The following CCDC178 variants were observed in gnomAD, a reference collection of about 807,000 sequenced individuals.
The protein encoded by CCDC178 is coiled-coil domain containing 178, also known as coiled-coil domain-containing protein 178.
In CCDC178, 126 loss-of-function variants were observed where a neutral mutation model predicts 117.4. The ratio of observed to expected loss-of-function variants is 1.07; its 90% CI spans 0.93 to 1.24. The LOEUF (loss-of-function observed/expected upper bound fraction) is 1.24. Among genes scored for constraint, CCDC178 ranks in the 50% most tolerant of loss-of-function variants. The pLI is 0.00. For missense variants in CCDC178, 1,030 were observed against 986.9 expected (o/e 1.04, Z -0.59); for synonymous variants, 283 against 313.4 (o/e 0.90, Z 1.02).
At chr18:33,183,467 G>T (rs1478841937) in intron 20 of CCDC178, among the ~76,000 whole-genome samples, 4 of 151,978 alleles carry the variant, frequency 2.6e-5, no homozygotes, top group Non-Finnish European at 5.9e-5. Context: ...GAAAATTTCA[G>T]ACTAGCAGGT....
rs79509378 is a variant in CCDC178, at chr18:33,367,735, T to C, written c.348+2315A>G. On this transcript the variant is annotated intron_variant, in intron 6 of 22. Transcript: ENST00000383096. ...CTCATCATTGCACCAAACATAGTAC[T>C]TATGTTCTATTTACCAGTTCAACAC... 9.8e-3 allele frequency among the ~76,000 whole-genome samples: 1,492 copies of C among 152,084 alleles called. 24 individuals carry two copies. Among genetic ancestry groups the C allele is most frequent in the African/African-American group, 0.034 (1,396 of 41,536 alleles).
At chr18:33,112,391 T>A (rs1008207067) in intron 20 of CCDC178, among the ~76,000 whole-genome samples, 7 of 151,892 alleles carry the variant, frequency 4.6e-5, no homozygotes, top group African/African-American at 1.2e-4. Context: ...TAAGAATTAA[T>A]GATATAAAAT....
intron 6 of CCDC178, among the ~76,000 whole-genome samples, chr18:33,360,815 A>G (rs2063114912): frequency 6.6e-6 from 1 of 151,676 alleles, no homozygotes. Context: ...GCACACTAAA[A>G]CTATAAAACA....
chr18:33,364,981 A>G (rs1397479859), intron 6 of CCDC178, among the ~76,000 whole-genome samples: 1 of 152,016 alleles, frequency 6.6e-6, no homozygotes, highest in Non-Finnish European at 1.5e-5. Flanking sequence ...ATGGCAGACC[A>G]TCAGAGATAT....
chr18:33,265,107 C>A (rs1196523913), intron 14 of CCDC178, among the ~76,000 whole-genome samples: 1 of 152,096 alleles, frequency 6.6e-6, no homozygotes, highest in Non-Finnish European at 1.5e-5. Flanking sequence ...TAAAAACCAA[C>A]ATCCTTAAAA....
chr18:33,357,633 T>G (rs1228327577), intron 6 of CCDC178, among the ~76,000 whole-genome samples: 1 of 152,128 alleles, frequency 6.6e-6, no homozygotes, highest in Non-Finnish European at 1.5e-5. Flanking sequence ...GGCAGGGTTA[T>G]TTTCTACAGA....
intron 21 of CCDC178, among the ~76,000 whole-genome samples, chr18:32,982,164 T>C (rs916563989): frequency 6.6e-6 from 1 of 152,074 alleles, no homozygotes. Flanking sequence ...TAGAGACATA[T>C]GGTACCAAAA....
chr18:33,364,820 C>A (rs1301903011), intron 6 of CCDC178, among the ~76,000 whole-genome samples: 2 of 150,144 alleles, frequency 1.3e-5, no homozygotes, highest in African/African-American at 4.9e-5. Context: ...GAGTAGCCAC[C>A]ACAGACTACT....
chr18:33,036,275 AT>A (rs1360245144), intron 21 of CCDC178, among the ~76,000 whole-genome samples: 1 of 151,854 alleles, frequency 6.6e-6, no homozygotes, highest in African/African-American at 2.4e-5. Context: ...AGTACTCACA[AT>A]TCCCCTTGTG....
intron 2 of CCDC178, among the ~76,000 whole-genome samples, chr18:33,416,657 G>T (rs2063945440): frequency 6.6e-6 from 1 of 152,050 alleles, no homozygotes; most frequent in Non-Finnish European, 1.5e-5. Flanking sequence ...ACTATGTGGG[G>T]AGCCTGGACT....
intron 21 of CCDC178, among the ~76,000 whole-genome samples, chr18:33,016,027 A>C (rs1419697904): frequency 6.6e-6 from 1 of 152,098 alleles, no homozygotes; most frequent in Non-Finnish European, 1.5e-5. Context: ...AATTTGGAGG[A>C]AAAACATTAA....
chr18:33,074,816 A>G (rs1425429331), intron 21 of CCDC178, among the ~76,000 whole-genome samples: 1 of 152,246 alleles, frequency 6.6e-6, no homozygotes, highest in Admixed American at 6.5e-5. Flanking sequence ...AAAGTGATGA[A>G]AACTGCAAAT....
chr18:33,207,589 C>G (rs1223554025), intron 20 of CCDC178, among the ~76,000 whole-genome samples: 1 of 150,568 alleles, frequency 6.6e-6, no homozygotes, highest in Non-Finnish European at 1.5e-5. Context: ...TGGGTATTAG[C>G]ACAACTATAT....
At chr18:33,169,257 C>T (rs1256535962) in intron 20 of CCDC178, among the ~76,000 whole-genome samples, 1 of 152,176 alleles carries the variant, frequency 6.6e-6, no homozygotes, top group East Asian at 1.9e-4. Context: ...GCAATTTCAG[C>T]TAATTTAACA....
At chr18:33,294,834 T>C (rs1382748578) in intron 11 of CCDC178, among the ~76,000 whole-genome samples, 2 of 152,206 alleles carry the variant, frequency 1.3e-5, no homozygotes, top group Admixed American at 6.5e-5. Flanking sequence ...TGATGGACAA[T>C]TGCCCACTGT....
At chr18:33,095,051 A>C (rs893504093) in intron 20 of CCDC178, among the ~76,000 whole-genome samples, 3 of 152,002 alleles carry the variant, frequency 2.0e-5, no homozygotes, top group Non-Finnish European at 4.4e-5. Flanking sequence ...GTTAAATGTA[A>C]ATGACACAAA....
intron 6 of CCDC178, among the ~76,000 whole-genome samples, chr18:33,361,257 A>G (rs775641273): frequency 4.0e-5 from 6 of 151,792 alleles, no homozygotes; most frequent in Non-Finnish European, 5.9e-5. Context: ...AGTCTCTTCA[A>G]TAAATGATGC....
intron 20 of CCDC178, among the ~76,000 whole-genome samples, chr18:33,179,865 C>A (rs2058714929): frequency 6.6e-6 from 1 of 151,968 alleles, no homozygotes; most frequent in Non-Finnish European, 1.5e-5. Context: ...AGTCTACAAA[C>A]TTCATGGACA....
chr18:33,283,112 C>T (rs2060045964), intron 12 of CCDC178, among the ~76,000 whole-genome samples: 1 of 152,140 alleles, frequency 6.6e-6, no homozygotes, highest in African/African-American at 2.4e-5. Flanking sequence ...GCAGCTGCTG[C>T]ACCTCGGCAT....
Sources: allele counts gnomAD v4.1 joint callset (sites outside exome capture counted in the v4.1 genomes callset), GRCh38; gene constraint gnomAD v4.1.1; transcripts MANE v1.5; gene names NCBI Gene and HGNC (gene_info 2026-07-23, HGNC 2026-07-21).